ARV1: variants seen among roughly 807,000 people sequenced by gnomAD.
The protein encoded by ARV1 is ARV1 fatty acid homeostasis modulator.
Under a neutral mutation model 31.1 loss-of-function variants are expected in ARV1, and 26 were observed. That is an observed-to-expected ratio of 0.84 (90% confidence interval 0.61 to 1.16). ARV1 has a LOEUF of 1.16. Among genes scored for constraint, ARV1 ranks in the 50% most tolerant of loss-of-function variants. The probability of loss-of-function intolerance (pLI) is 0.00; values close to 1 mark genes in which losing one functional copy is unlikely to be tolerated. For synonymous variants in ARV1, 117 were observed against 123.2 expected (o/e 0.95, Z 0.34); for missense variants, 281 against 324.9 (o/e 0.86, Z 1.04).
intron 1 of ARV1, among the ~76,000 whole-genome samples, chr1:230,986,985 A>T (rs556598842): frequency 1.1e-4 from 17 of 152,200 alleles, no homozygotes; most frequent in African/African-American, 3.1e-4. Flanking sequence ...TCAGCATAAG[A>T]TTGGTTTTTT....
chr1:230,988,390 T>G lies in ARV1; in HGVS notation c.245T>G (p.Leu82Trp), dbSNP rs774630960. The stretch of plus-strand genomic sequence containing the variant: ...GTTATCATCTTGATTAATGCTATAT[T>G]GTGCAAAGCTCAGGCCTACAGACAT... ...DPVIILINAI[L>W]CKAQAYRHIL... Residue 82 changes from leucine (L) to tryptophan (W), a missense_variant, in exon 2 of 6, where the codon TTG becomes TGG. By Grantham distance (61) the Leu-to-Trp change is moderately conservative. Coordinates refer to ENST00000310256, the MANE Select transcript of ARV1 (RefSeq NM_022786.3). 6.3e-7 allele frequency: 1 copy of G among 1,597,950 alleles called. No homozygotes were observed. Among genetic ancestry groups the G allele is most frequent in the South Asian group, 1.1e-5 (1 of 89,706 alleles).
At chr1:230,988,239 TAG>T in intron 1 of ARV1, 79 bp from the exon 2 acceptor site, 1 of 1,292,070 alleles carries the variant, frequency 7.7e-7, no homozygotes, top group Non-Finnish European at 1.1e-6. Context: ...GTGTCCAAAA[TAG>T]ACTCTGCTGT....
At chr1:230,984,365 T>TGTGTGTGC (rs1553303959) in intron 1 of ARV1, among the ~76,000 whole-genome samples, 114 of 71,388 alleles carry the variant, frequency 1.6e-3, no homozygotes, top group African/African-American at 4.5e-3. Context: ...TGTGTGTGCG[T>TGTGTGTGC]GTGTGTGTGT....
chr1:230,990,815 C>T (rs772997938), intron 3 of ARV1: 27 of 155,332 alleles, frequency 1.7e-4, no homozygotes, highest in Non-Finnish European at 3.3e-4. Flanking sequence ...AAGCAGTCCT[C>T]CCACCTCAGC....
At chr1:230,982,493 T>C (rs375751994) in intron 1 of ARV1, among the ~76,000 whole-genome samples, 15 of 152,364 alleles carry the variant, frequency 9.8e-5, no homozygotes, top group African/African-American at 3.1e-4. Flanking sequence ...AATTATTGGA[T>C]AGCTGTTTAG....
At chr1:230,979,485 C>T in intron 1 of ARV1, 1 of 573,038 alleles carries the variant, frequency 1.7e-6, no homozygotes, top group Non-Finnish European at 2.9e-6. Context: ...GTGATATGAC[C>T]TAAGCCGGCG....
At chr1:230,982,775 AT>A (rs1385693344) in intron 1 of ARV1, among the ~76,000 whole-genome samples, 1 of 152,212 alleles carries the variant, frequency 6.6e-6, no homozygotes, top group African/African-American at 2.4e-5. Context: ...GAAGCAATGA[AT>A]TATTTTAAAG....
At chr1:230,988,562 G>A (rs182600761) in intron 2 of ARV1, 123 bp downstream of exon 2, 32 of 850,000 alleles carry the variant, frequency 3.8e-5, no homozygotes, top group Middle Eastern at 3.8e-4. Context: ...TAATGTGAGA[G>A]TGGGTCTTTT....
chr1:230,988,439 T>C lies in ARV1; in HGVS notation c.294T>C (p.Asn98=), dbSNP rs1222014428. ...ATATTCTTTTCAATACTCAAATAAA[T>C]GTAAGTTGTGATAATTTCATTTTTT... The part of the protein sequence containing the change: ...YRHILFNTQI[N]IHGKLCIFCL... Residue 98 remains asparagine (N), a splice_region_variant and synonymous_variant, in exon 2 of 6, where the codon AAT becomes AAC. Transcript: ENST00000310256. 2 of 1,529,020 alleles carry C rather than the reference T, an allele frequency of 1.3e-6. No homozygotes were observed. The highest frequency in any genetic ancestry group is 2.4e-5 in the East Asian group (1 of 42,096). The allele number at this position is 1,529,020 out of a possible 1,614,324, so 94.7% of individuals were successfully genotyped here. A position where few individuals can be genotyped will look rare whatever the true frequency, so the allele number is the denominator to read the frequency against.
At chr1:230,999,196 C>T (rs913121788) in intron 5 of ARV1, among the ~76,000 whole-genome samples, 6 of 152,280 alleles carry the variant, frequency 3.9e-5, no homozygotes, top group Middle Eastern at 3.4e-3. Context: ...CAGGACGGTC[C>T]TGCCATTACC....
chr1:230,982,714 A>G (rs997647454), intron 1 of ARV1, among the ~76,000 whole-genome samples: 2 of 152,212 alleles, frequency 1.3e-5, no homozygotes, highest in Non-Finnish European at 2.9e-5. Flanking sequence ...CCATAATAGC[A>G]CGACTCAGGG....
intron 4 of ARV1, 43 bp downstream of exon 4, chr1:230,996,027 T>C (rs769559000): frequency 5.2e-6 from 8 of 1,532,148 alleles, no homozygotes; most frequent in Non-Finnish European, 7.1e-6. Flanking sequence ...TTTCAACCCA[T>C]AAAAAGCTTA....
At chr1:230,998,328 T>C (rs780865320) in intron 5 of ARV1, among the ~76,000 whole-genome samples, 1 of 152,170 alleles carries the variant, frequency 6.6e-6, no homozygotes, top group Non-Finnish European at 1.5e-5. Context: ...ACATCCTCCT[T>C]GCAAGTAGCG....
In ARV1 at chr1:230,992,087, T is replaced by C. The variant is rs112034272; in HGVS notation, c.448+1824T>C. 6.1e-3 allele frequency among the ~76,000 whole-genome samples: 929 copies of C among 152,324 alleles called. 7 individuals are homozygous for C. Among genetic ancestry groups the C allele is most frequent in the African/African-American group, 0.021 (870 of 41,562 alleles). On this transcript the variant is annotated intron_variant, in intron 3 of 5. Coordinates refer to ENST00000310256, the MANE Select transcript of ARV1 (RefSeq NM_022786.3). ...TTGCACGCAACACAGAGTAGTCCTT[T>C]TCAACCAAATCAGATCATGTCACTG...
chr1:230,981,325 C>A (rs554963277), intron 1 of ARV1, among the ~76,000 whole-genome samples: 1 of 152,308 alleles, frequency 6.6e-6, no homozygotes, highest in East Asian at 1.9e-4. Context: ...ACTTAAATGT[C>A]CAACTACCTA....
At chr1:230,985,901 C>T (rs1679052143) in intron 1 of ARV1, among the ~76,000 whole-genome samples, 1 of 150,814 alleles carries the variant, frequency 6.6e-6, no homozygotes, top group East Asian at 2.0e-4. Context: ...ACTCCTTATG[C>T]GTCAGTTTGA....
chr1:230,986,174 G>C (rs1023367145), intron 1 of ARV1, among the ~76,000 whole-genome samples: 1 of 151,840 alleles, frequency 6.6e-6, no homozygotes, highest in Non-Finnish European at 1.5e-5. Context: ...CACCTGCCTC[G>C]GACTCCCAAA....
At chr1:230,990,021 G>C in intron 2 of ARV1, 89 bp from the exon 3 acceptor site, 1 of 1,335,108 alleles carries the variant, frequency 7.5e-7, no homozygotes, top group Non-Finnish European at 1.0e-6. Flanking sequence ...AAAGTGACTA[G>C]GTGGGATGCC....
At chr1:230,986,209 C>T (rs1679062503) in intron 1 of ARV1, among the ~76,000 whole-genome samples, 1 of 152,106 alleles carries the variant, frequency 6.6e-6, no homozygotes, top group South Asian at 2.1e-4. Flanking sequence ...AGGCATGAGC[C>T]ACCATGCCTG....
Sources: allele counts gnomAD v4.1 joint callset (sites outside exome capture counted in the v4.1 genomes callset), GRCh38; gene constraint gnomAD v4.1.1; transcripts MANE v1.5; gene names NCBI Gene and HGNC (gene_info 2026-07-23, HGNC 2026-07-21).